USH2A: variants seen among roughly 807,000 people sequenced by gnomAD.
USH2A encodes the protein usherin.
In USH2A, 443 loss-of-function variants were observed where a neutral mutation model predicts 538.9. The ratio of observed to expected loss-of-function variants is 0.82; its 90% CI spans 0.76 to 0.89. USH2A has a LOEUF of 0.89. USH2A is among the 40% of genes least tolerant of loss of function. The pLI is 0.00. For missense variants in USH2A, 6,633 were observed against 6,324.8 expected (o/e 1.05, Z -1.65); for synonymous variants, 2,413 against 2,273.5 (o/e 1.06, Z -1.75).
At chr1:216,156,738 C>T (rs1032085887) in intron 21 of USH2A, among the ~76,000 whole-genome samples, 2 of 152,098 alleles carry the variant, frequency 1.3e-5, no homozygotes, top group Non-Finnish European at 2.9e-5. Flanking sequence ...ACAGAGTAAA[C>T]AGACAGCCTA....
At position 216,289,210 on chromosome 1, in the gene USH2A, T is replaced by C; in HGVS notation, c.1971+70A>G. On this transcript the variant is annotated intron_variant, in intron 11 of 71. Transcript: ENST00000307340. ...CAAATGCAGTCTTCAATTCTACTAG[T>C]GGAATAACATCCAAATAAGTTTCTG... The C allele has an allele frequency of 1.9e-6, 3 of 1,606,360 alleles. No homozygotes were observed. In the Middle Eastern group the frequency reaches 5.0e-4, roughly 266 times the overall value.
chr1:215,884,987 C>T (rs901955597), intron 41 of USH2A, among the ~76,000 whole-genome samples: 3 of 152,108 alleles, frequency 2.0e-5, no homozygotes, highest in African/African-American at 7.2e-5. Flanking sequence ...TCAAGGTTTA[C>T]AGGCTCATGA....
At chr1:216,377,263 C>T (rs73100667) in intron 3 of USH2A, among the ~76,000 whole-genome samples, 14,476 of 152,070 alleles carry the variant, frequency 0.095, 1,977 homozygotes, top group African/African-American at 0.3. Context: ...CAAGGTAGTC[C>T]TTTCTGATCA....
chr1:216,324,636 T>G (rs1163560911), intron 6 of USH2A, among the ~76,000 whole-genome samples: 8 of 152,158 alleles, frequency 5.3e-5, no homozygotes, highest in Admixed American at 5.2e-4. Context: ...ATATAGAGAC[T>G]TCTTAATTTA....
At chr1:216,287,991 G>A (rs540922555) in intron 11 of USH2A, among the ~76,000 whole-genome samples, 1 of 152,128 alleles carries the variant, frequency 6.6e-6, no homozygotes, top group Non-Finnish European at 1.5e-5. Context: ...GTTGGAAAGA[G>A]AGAAGAAGAA....
intron 3 of USH2A, among the ~76,000 whole-genome samples, chr1:216,414,253 T>A (rs2039540458): frequency 6.6e-6 from 1 of 152,058 alleles, no homozygotes; most frequent in Non-Finnish European, 1.5e-5. Flanking sequence ...AAATAGCCAA[T>A]ATATTAAACC....
At chr1:216,257,849 T>C (rs2036288125) in intron 11 of USH2A, among the ~76,000 whole-genome samples, 1 of 152,086 alleles carries the variant, frequency 6.6e-6, no homozygotes, top group Admixed American at 6.6e-5. Context: ...TAATCAATTA[T>C]ATCCAGTGTA....
At chr1:215,684,853 T>C (rs2102675986) in intron 61 of USH2A, among the ~76,000 whole-genome samples, 1 of 150,900 alleles carries the variant, frequency 6.6e-6, no homozygotes, top group East Asian at 1.9e-4. Context: ...TTAGTTATGA[T>C]GAATACCAAG....
At chr1:216,173,816 G>A (rs4550024) in intron 21 of USH2A, 417 of 341,318 alleles carry the variant, frequency 1.2e-3, no homozygotes, top group Non-Finnish European at 1.5e-3. Flanking sequence ...GAATGGAAAC[G>A]GATGCTATTT....
At chr1:215,986,205 T>C (rs1667869207) in intron 35 of USH2A, among the ~76,000 whole-genome samples, 1 of 151,980 alleles carries the variant, frequency 6.6e-6, no homozygotes, top group South Asian at 2.1e-4. Flanking sequence ...CTGCAAACCC[T>C]GCCTCCCACG....
At chr1:216,255,859 T>G (rs1166870242) in intron 11 of USH2A, among the ~76,000 whole-genome samples, 2 of 152,164 alleles carry the variant, frequency 1.3e-5, no homozygotes, top group Non-Finnish European at 2.9e-5. Flanking sequence ...GATTTTACTT[T>G]CTCCTTCAGT....
At chr1:216,349,701 A>G (rs1571728208) in intron 4 of USH2A, among the ~76,000 whole-genome samples, 1 of 152,282 alleles carries the variant, frequency 6.6e-6, no homozygotes, top group East Asian at 1.9e-4. Context: ...CCTTTCAGGG[A>G]AAACTAACAA....
chr1:215,879,691 G>C (rs1403769058), intron 41 of USH2A, among the ~76,000 whole-genome samples: 1 of 152,144 alleles, frequency 6.6e-6, no homozygotes, highest in African/African-American at 2.4e-5. Flanking sequence ...AGAAAGCTTT[G>C]AAAAAGGGAA....
intron 21 of USH2A, among the ~76,000 whole-genome samples, chr1:216,173,226 C>T (rs539791574): frequency 6.6e-6 from 1 of 152,238 alleles, no homozygotes; most frequent in South Asian, 2.1e-4. Context: ...TTTAGTTAGG[C>T]TTCGGTACAA....
At chr1:216,019,795 A>G (rs1668804401) in intron 32 of USH2A, among the ~76,000 whole-genome samples, 1 of 152,180 alleles carries the variant, frequency 6.6e-6, no homozygotes, top group South Asian at 2.1e-4. Context: ...TGAATATAAG[A>G]AGACAGCGGG....
In USH2A at chr1:216,273,495, C is replaced by T. The variant is rs1041140386; in HGVS notation, c.1971+15785G>A. 3.3e-5 allele frequency among the ~76,000 whole-genome samples: 5 copies of T among 151,918 alleles called. No individual in the cohort carries two copies. The South Asian group carries it at 1.0e-3, about 32-fold the overall frequency. On this transcript the variant is annotated intron_variant, in intron 11 of 71. Coordinates refer to ENST00000307340, the MANE Select transcript of USH2A (RefSeq NM_206933.4). Reference sequence around the variant, plus strand: ...CTCATTGGCAATGAAAAAAAAACCTCACATAGTTTATTTAAACATAATAAT... The same window carrying T: ...CTCATTGGCAATGAAAAAAAAACCTTACATAGTTTATTTAAACATAATAAT...
Position 216,000,399 on chromosome 1 carries a change from T to C in USH2A, c.6485+4A>G. The stretch of plus-strand genomic sequence containing the variant: ...CATGTGAGAGAGACAACATTTCTAC[T>C]TACTGTATGTGTATAGTTCTAGAAT... On this transcript the variant is annotated splice_donor_region_variant and intron_variant, in intron 33 of 71. Coordinates refer to ENST00000307340, the MANE Select transcript of USH2A (RefSeq NM_206933.4). The C allele has an allele frequency of 6.2e-7, 1 of 1,613,452 alleles. No individual in the cohort carries two copies. The highest frequency in any genetic ancestry group is 8.5e-7 in the Non-Finnish European group (1 of 1,179,562).
chr1:215,719,153 T>A (rs2102705185), intron 61 of USH2A, among the ~76,000 whole-genome samples: 1 of 151,452 alleles, frequency 6.6e-6, no homozygotes, highest in East Asian at 1.9e-4. Flanking sequence ...AGTGTGTGTC[T>A]GTGTGTGTGT....
In USH2A at chr1:215,920,911, T is replaced by C. The variant is rs189155496; in HGVS notation, c.7300+13705A>G. Among the ~76,000 whole-genome samples the C allele has an allele frequency of 1.1e-4, 16 of 152,124 alleles. 1 individual carries two copies. Among genetic ancestry groups the C allele is most frequent in the Middle Eastern group, 3.4e-3 (1 of 294 alleles). ...ATTTTGTGGCCATTCCAGTGAACAA[T>C]TTTCCCACATACTCATACTGTTCAC... On this transcript the variant is annotated intron_variant, in intron 38 of 71. Transcript: ENST00000307340.
Sources: gnomAD v4.1 joint callset for allele counts (sites outside exome capture counted in the v4.1 genomes callset) on GRCh38, gnomAD v4.1.1 for gene constraint, MANE v1.5 for transcripts, NCBI Gene and HGNC (gene_info 2026-07-23, HGNC 2026-07-21) for gene names.